PALM2AKAP2: variants seen among roughly 807,000 people sequenced by gnomAD.
PALM2AKAP2 encodes the protein PALM2 and AKAP2 fusion.
A neutral mutation model predicts 71.5 loss-of-function variants in PALM2AKAP2; 37 were observed. That is an observed-to-expected ratio of 0.52 (90% CI 0.40 to 0.68). The LOEUF is 0.68. Among genes scored for constraint, PALM2AKAP2 ranks in the 30% least tolerant of loss-of-function variants. The pLI is 0.00. For missense variants in PALM2AKAP2, 1,224 were observed against 1,191.8 expected (o/e 1.03, Z -0.40); for synonymous variants, 468 against 478.8 (o/e 0.98, Z 0.29).
intron 3 of PALM2AKAP2, among the ~76,000 whole-genome samples, chr9:109,884,802 G>A (rs1237535603): frequency 6.6e-6 from 1 of 152,138 alleles, no homozygotes; most frequent in Non-Finnish European, 1.5e-5. Flanking sequence ...GTGCCCTGAA[G>A]GTATTTTCGT....
chr9:109,644,885 C>G (rs913061543), intron 1 of PALM2AKAP2, among the ~76,000 whole-genome samples: 6 of 152,234 alleles, frequency 3.9e-5, no homozygotes, highest in Non-Finnish European at 8.8e-5. Flanking sequence ...ATTTCATTGT[C>G]CATATCGTTA....
At chr9:109,913,261 G>A (rs577195578) in intron 3 of PALM2AKAP2, among the ~76,000 whole-genome samples, 4 of 152,292 alleles carry the variant, frequency 2.6e-5, no homozygotes, top group East Asian at 1.9e-4. Flanking sequence ...CGATCAGCTC[G>A]CTGCACTGCA....
chr9:110,079,752 T>G (rs1169779898), intron 1 of PALM2AKAP2, among the ~76,000 whole-genome samples: 1 of 152,176 alleles, frequency 6.6e-6, no homozygotes, highest in Non-Finnish European at 1.5e-5. Flanking sequence ...CTGTACTTGT[T>G]GCCTACTGAG....
At chr9:109,910,156 C>T (rs748711838) in intron 3 of PALM2AKAP2, among the ~76,000 whole-genome samples, 1 of 152,140 alleles carries the variant, frequency 6.6e-6, no homozygotes, top group African/African-American at 2.4e-5. Context: ...GATACATGTA[C>T]GTGATGATAG....
Position 109,710,736 on chromosome 9 carries a change from A to G in PALM2AKAP2, c.6-69752A>G, listed in dbSNP as rs538940070. On this transcript the variant is annotated intron_variant, in intron 1 of 6. Transcript: ENST00000374531. ...CTCCTCACCTTGGGTAACTGGTATT[A>G]GTGTTGCAGGAGCAATAAGGATACT... Among the ~76,000 whole-genome samples, 13 of 152,290 alleles carry G rather than the reference A, an allele frequency of 8.5e-5. No homozygotes were observed. In the East Asian group the frequency reaches 2.3e-3, roughly 27 times the overall value.
chr9:109,777,114 G>A (rs1231096277), upstream of PALM2AKAP2, among the ~76,000 whole-genome samples: 1 of 152,096 alleles, frequency 6.6e-6, no homozygotes, highest in Non-Finnish European at 1.5e-5. Flanking sequence ...TTTTTCTGAA[G>A]CCCCAACCCT....
chr9:109,824,950 G>A (rs1194257165), intron 1 of PALM2AKAP2, among the ~76,000 whole-genome samples: 1 of 152,238 alleles, frequency 6.6e-6, no homozygotes, highest in Non-Finnish European at 1.5e-5. Flanking sequence ...GCCTGTGGAG[G>A]AGTTGTGCTC....
At chr9:109,697,978 G>A (rs150877316) in intron 1 of PALM2AKAP2, among the ~76,000 whole-genome samples, 1,529 of 152,234 alleles carry the variant, frequency 0.01, 21 homozygotes, top group African/African-American at 0.034. Context: ...TAGTGCTTTT[G>A]GCATCTGGTT....
intron 2 of PALM2AKAP2, 112 bp downstream of exon 8, chr9:110,138,651 TGGG>T (rs1835957145): frequency 2.1e-6 from 3 of 1,437,310 alleles, no homozygotes; most frequent in South Asian, 3.0e-5. Flanking sequence ...GAATAAGTGT[TGGG>T]GGGACACTGG....
intron 1 of PALM2AKAP2, among the ~76,000 whole-genome samples, chr9:109,731,285 T>C (rs1315160254): frequency 6.6e-6 from 1 of 152,214 alleles, no homozygotes; most frequent in African/African-American, 2.4e-5. Context: ...AACCAACTTA[T>C]ACTGGACATG....
In PALM2AKAP2 at chr9:110,035,219, A is replaced by T. The variant is rs1334246647; in HGVS notation, c.582+19180A>T. Among the ~76,000 whole-genome samples, 6 of 142,760 alleles carry T rather than the reference A, an allele frequency of 4.2e-5. No homozygotes were observed. The East Asian group carries it at 1.2e-3, about 28-fold the overall frequency. The allele number at this position is 142,760 out of a possible 152,430, so 93.7% of individuals were successfully genotyped here. ...CATGTGTGTGTGTGTGTATATATATAAAAAATATATATAATATAATATATA... is the reference window on the plus strand; with the variant it reads ...CATGTGTGTGTGTGTGTATATATATTAAAAATATATATAATATAATATATA... On this transcript the variant is annotated intron_variant, in intron 7 of 9. Transcript: ENST00000302798.
intron 1 of PALM2AKAP2, among the ~76,000 whole-genome samples, chr9:109,672,384 G>T (rs1243522417): frequency 1.3e-5 from 2 of 152,104 alleles, no homozygotes; most frequent in East Asian, 3.8e-4. Context: ...CTTTAATTCT[G>T]TTTCTGTGAT....
intron 1 of PALM2AKAP2, among the ~76,000 whole-genome samples, chr9:109,695,341 G>C (rs1827954700): frequency 6.6e-6 from 1 of 152,066 alleles, no homozygotes. Context: ...TGGGTCATGT[G>C]GCAGTTCTAT....
At chr9:110,009,859 C>G (rs1216751840) in intron 6 of PALM2AKAP2, among the ~76,000 whole-genome samples, 1 of 152,192 alleles carries the variant, frequency 6.6e-6, no homozygotes, top group Non-Finnish European at 1.5e-5. Context: ...GGCCTGAACT[C>G]AGCTCCTTTG....
At chr9:109,861,863 T>G (rs1829319941) in intron 1 of PALM2AKAP2, among the ~76,000 whole-genome samples, 1 of 152,222 alleles carries the variant, frequency 6.6e-6, no homozygotes, top group South Asian at 2.1e-4. Flanking sequence ...TTGCTTCTAT[T>G]GAAGTCATGA....
intron 6 of PALM2AKAP2, among the ~76,000 whole-genome samples, chr9:109,932,497 C>T (rs1735843632): frequency 6.6e-6 from 1 of 152,148 alleles, no homozygotes; most frequent in African/African-American, 2.4e-5. Flanking sequence ...CTAAGTCTTC[C>T]CATTTCTGGA....
chr9:109,731,730 G>A (rs1448284616), intron 1 of PALM2AKAP2, among the ~76,000 whole-genome samples: 3 of 152,108 alleles, frequency 2.0e-5, no homozygotes, highest in African/African-American at 7.2e-5. Flanking sequence ...GAAAAATTTT[G>A]TAATATAAAC....
At chr9:109,976,898 G>T (rs543921141) in intron 6 of PALM2AKAP2, among the ~76,000 whole-genome samples, 3 of 152,162 alleles carry the variant, frequency 2.0e-5, no homozygotes, top group Admixed American at 6.5e-5. Flanking sequence ...AGTGTGAACC[G>T]CAGTGGGCAC....
chr9:109,925,019 C>G, intron 4 of PALM2AKAP2, 42 bp from the exon 5 acceptor site: 1 of 1,613,880 alleles, frequency 6.2e-7, no homozygotes, highest in Non-Finnish European at 8.5e-7. Flanking sequence ...GATTGTACCC[C>G]CACATGTAGA....
Sources: gnomAD v4.1 joint callset for allele counts (sites outside exome capture counted in the v4.1 genomes callset) on GRCh38, gnomAD v4.1.1 for gene constraint, MANE v1.5 for transcripts, NCBI Gene and HGNC (gene_info 2026-07-23, HGNC 2026-07-21) for gene names.